Variants in CACNA2D4 observed in about 807,000 individuals in gnomAD.
The protein encoded by CACNA2D4 is calcium voltage-gated channel auxiliary subunit alpha2delta 4, also known as voltage-dependent calcium channel subunit alpha-2/delta-4.
CACNA2D4 carries 157 observed loss-of-function variants against 163.8 expected under a neutral mutation model. The observed-to-expected ratio is 0.96, with a 90% confidence interval of 0.84 to 1.09. The LOEUF (loss-of-function observed/expected upper bound fraction) is 1.09. Ranked by LOEUF, CACNA2D4 falls within the 50% of genes least tolerant of loss-of-function variation. CACNA2D4 has a pLI of 0.00. For synonymous variants in CACNA2D4, 598 were observed against 586.9 expected (o/e 1.02, Z -0.27); for missense variants, 1,410 against 1,479.9 (o/e 0.95, Z 0.78).
chr12:1,831,410 G>A (rs778916196), intron 26 of CACNA2D4: 1 of 1,614,104 alleles, frequency 6.2e-7, no homozygotes, highest in Admixed American at 1.7e-5. Flanking sequence ...ATCTGGACCG[G>A]CTGACATTTG....
chr12:1,857,876 T>G (rs189074024), intron 20 of CACNA2D4, among the ~76,000 whole-genome samples: 1 of 152,224 alleles, frequency 6.6e-6, no homozygotes, highest in Admixed American at 6.5e-5. Flanking sequence ...GATGAGATCA[T>G]TAGGATAGGC....
At chr12:1,850,389 T>G (rs1399258666) in intron 23 of CACNA2D4, among the ~76,000 whole-genome samples, 2 of 152,226 alleles carry the variant, frequency 1.3e-5, no homozygotes, top group African/African-American at 4.8e-5. Flanking sequence ...TATTTGCATT[T>G]TTCCTCTGAA....
At chr12:1,904,512 C>G (rs1866610082) in intron 6 of CACNA2D4, among the ~76,000 whole-genome samples, 1 of 151,554 alleles carries the variant, frequency 6.6e-6, no homozygotes, top group Non-Finnish European at 1.5e-5. Flanking sequence ...TATATACCCA[C>G]AAAAATTAAA....
intron 37 of CACNA2D4, 39 bp downstream of exon 37, chr12:1,795,260 T>C: frequency 6.3e-7 from 1 of 1,588,138 alleles, no homozygotes; most frequent in Non-Finnish European, 8.6e-7. Context: ...GGTTTGGGGA[T>C]GAAAATCCAG....
At chr12:1,896,798 GAATTTATCCA>G (rs1209299190) in intron 6 of CACNA2D4, among the ~76,000 whole-genome samples, 5 of 152,126 alleles carry the variant, frequency 3.3e-5, no homozygotes, top group Non-Finnish European at 7.4e-5. Context: ...CCACTACCTA[GAATTTATCCA>G]AAGGGAAAGA....
chr12:1,918,193 G>T, intron 1 of CACNA2D4, 54 bp downstream of exon 1: 3 of 1,364,008 alleles, frequency 2.2e-6, no homozygotes, highest in Non-Finnish European at 3.1e-6. Context: ...AGCCCGGGAA[G>T]AAAGTGGGAA....
At chr12:1,851,042 C>T (rs555817477) in intron 23 of CACNA2D4, among the ~76,000 whole-genome samples, 84 of 152,254 alleles carry the variant, frequency 5.5e-4, no homozygotes, top group Non-Finnish European at 1.0e-3. Context: ...CCACATCTGG[C>T]TAAGTTATTA....
chr12:1,839,705 C>A (rs902353268), intron 26 of CACNA2D4, among the ~76,000 whole-genome samples: 1 of 152,242 alleles, frequency 6.6e-6, no homozygotes, highest in Non-Finnish European at 1.5e-5. Flanking sequence ...ACACACTGAG[C>A]TCATGCCTCA....
In CACNA2D4 at chr12:1,793,741, C is replaced by A. The variant is rs375689514; in HGVS notation, c.3328G>T (p.Gly1110Cys). ...GAGGCTGAGGTGTCCGAGGCGCCGC[C>A]GCAGTCCTGGGCATTCTCCTGCGAA... is the stretch of plus-strand genomic sequence containing the variant. ...FHPEENAQDC[G>C]GASDTSASPP... The change falls in exon 38 of 38, where the codon GGC becomes TGC. Residue 1110 changes from glycine to cysteine, a missense_variant. Physicochemically the swap from Gly to Cys is radical, Grantham distance 159. Coordinates refer to ENST00000382722, the MANE Select transcript of CACNA2D4 (RefSeq NM_172364.5). 6.2e-7 allele frequency: 1 copy of A among 1,613,192 alleles called. No homozygotes were observed. The highest frequency in any genetic ancestry group is 1.3e-5 in the African/African-American group (1 of 75,044).
rs376752467 is a variant in CACNA2D4, at chr12:1,800,466, G to A, written c.2869-28C>T. 82 of 1,612,056 alleles carry A rather than the reference G, an allele frequency of 5.1e-5. No individual in the cohort carries two copies. The East Asian group carries it at 1.0e-3, about 20-fold the overall frequency. ...GGGAAGGAGAGAGTGCACACCGCTC[G>A]CACCTAGGTCCAAGGGTGAGGGTGC... On this transcript the variant is annotated intron_variant, in intron 31 of 37. Coordinates refer to ENST00000382722, the MANE Select transcript of CACNA2D4 (RefSeq NM_172364.5).
intron 26 of CACNA2D4, chr12:1,831,052 T>C: frequency 1.9e-6 from 3 of 1,614,080 alleles, no homozygotes; most frequent in Non-Finnish European, 2.5e-6. Context: ...CTCACCACGG[T>C]GCCCCCAGAC....
chr12:1,800,726 T>G (rs1863288129), intron 31 of CACNA2D4: 2 of 592,258 alleles, frequency 3.4e-6, no homozygotes, highest in East Asian at 5.6e-5. Flanking sequence ...GGTGCTGCAC[T>G]GCTGAGGATC....
rs1424798775 is a variant in CACNA2D4, at chr12:1,798,643, T to G, written c.2995+1032A>C. 2.0e-5 allele frequency among the ~76,000 whole-genome samples: 3 copies of G among 152,100 alleles called. No individual in the cohort carries two copies. Among genetic ancestry groups the G allele is most frequent in the Admixed American group, 6.5e-5 (1 of 15,274 alleles). On this transcript the variant is annotated intron_variant, in intron 34 of 37. Transcript: ENST00000382722. This position sits in a 1 kb window ranked among gnomAD's most constrained non-coding sequence, Gnocchi z 4.3. ...CTACGCCCCGGCCTGGGACTCCAAGTCCAGTGCGCCTTCACTGGGGACACT... is the reference window on the plus strand; with the variant it reads ...CTACGCCCCGGCCTGGGACTCCAAGGCCAGTGCGCCTTCACTGGGGACACT...
intron 6 of CACNA2D4, among the ~76,000 whole-genome samples, chr12:1,897,250 T>A (rs1281793252): frequency 6.6e-6 from 1 of 152,004 alleles, no homozygotes; most frequent in African/African-American, 2.4e-5. Context: ...GGGGGAGGAA[T>A]AAAGAGGAAG....
At chr12:1,899,805 C>G (rs771606378) in intron 6 of CACNA2D4, among the ~76,000 whole-genome samples, 9 of 151,892 alleles carry the variant, frequency 5.9e-5, no homozygotes, top group Non-Finnish European at 1.0e-4. Context: ...GAAAACCTAA[C>G]AAGGATAGTA....
rs150281363 is a variant in CACNA2D4 at position 1,825,826 on chromosome 12, A to G, written c.2552-14103T>C. ...TGAGCAGCCTGCAGCCTGGCTCTGA[A>G]ACCTGCAATCCAGTCCCGGACTTAC... On this transcript the variant is annotated intron_variant, in intron 26 of 37. Transcript: ENST00000382722. Among the ~76,000 whole-genome samples the G allele has an allele frequency of 3.1e-3, 399 of 127,082 alleles. 4 individuals carry two copies. The highest frequency in any genetic ancestry group is 4.9e-3 in the South Asian group (19 of 3,910). The allele number at this position is 127,082 out of a possible 152,430, so 83.4% of individuals were successfully genotyped here.
intron 26 of CACNA2D4, among the ~76,000 whole-genome samples, chr12:1,825,840 T>TC (rs35714090): frequency 0.47 from 71,092 of 151,938 alleles, 18,487 homozygotes; most frequent in East Asian, 0.8. Context: ...TGCAATCCAG[T>TC]CCCGGACTTA....
chr12:1,830,910 T>TC (rs755121377), intron 26 of CACNA2D4: 6 of 1,566,536 alleles, frequency 3.8e-6, no homozygotes, highest in Non-Finnish European at 5.2e-6. Context: ...TTGCTTTCTT[T>TC]CCCCCGTCTG....
chr12:1,918,250 T>A lies in CACNA2D4; in HGVS notation c.224A>T (p.Glu75Val), dbSNP rs1435400023. Residue 75 changes from glutamate (E) to valine (V), a missense_variant, in exon 1 of 38, where the codon GAA (glutamate) becomes GTA (valine). Physicochemically the swap from Glu to Val is moderately radical, Grantham distance 121. Coordinates refer to ENST00000382722, the MANE Select transcript of CACNA2D4 (RefSeq NM_172364.5). ...PAWGQAKIPL[E>V]TVKLWADTFG... ...TGGGGTTGAACGTGATGCTTACGTT[T>A]CCAGAGGAATCTTGGCCTGTCCCCA... is the stretch of plus-strand genomic sequence containing the variant. 5 of 1,601,960 alleles carry A rather than the reference T, an allele frequency of 3.1e-6. No homozygotes were observed. Among genetic ancestry groups the A allele is most frequent in the Non-Finnish European group, 4.3e-6 (5 of 1,174,776 alleles).
Sources: gnomAD v4.1 joint callset for allele counts (sites outside exome capture counted in the v4.1 genomes callset) on GRCh38, gnomAD v4.1.1 for gene constraint, Gnocchi (gnomAD v3.1) non-coding constraint, MANE v1.5 for transcripts, NCBI Gene and HGNC (gene_info 2026-07-23, HGNC 2026-07-21) for gene names.